The following FNBP4 variants were observed in gnomAD, a reference collection of about 807,000 sequenced individuals.
FNBP4 encodes the protein formin-binding protein 4.
A neutral mutation model predicts 119.3 loss-of-function variants in FNBP4; 34 were observed. The observed-to-expected ratio is 0.28, with a 90% CI of 0.22 to 0.38. The LOEUF (loss-of-function observed/expected upper bound fraction) is 0.38, where lower values mean the gene tolerates loss of function less well. Ranked by LOEUF, FNBP4 falls within the 10% of genes least tolerant of loss-of-function variation. FNBP4 has a pLI of 1.00. For missense variants in FNBP4, 1,112 were observed against 1,228.9 expected (o/e 0.90, Z 1.42); for synonymous variants, 462 against 430.6 (o/e 1.07, Z -0.90).
chr11:47,753,540 GGCGGGGATTGCAGTGA>G (rs2097608817), intron 3 of FNBP4, among the ~76,000 whole-genome samples: 1 of 152,072 alleles, frequency 6.6e-6, no homozygotes, highest in Non-Finnish European at 1.5e-5. Context: ...GAATCTGGGA[GGCGGGGATTGCAGTGA>G]GCCGAGATCA....
Position 47,720,848 on chromosome 11 carries a change from C to T in FNBP4, c.2806-762G>A, listed in dbSNP as rs149122194. Among the ~76,000 whole-genome samples, 182 of 150,992 alleles carry T rather than the reference C, an allele frequency of 1.2e-3. 1 individual carries two copies. Among genetic ancestry groups the T allele is most frequent in the African/African-American group, 3.4e-3 (142 of 41,168 alleles). On this transcript the variant is annotated intron_variant, in intron 15 of 16. Coordinates refer to ENST00000263773, the MANE Select transcript of FNBP4 (RefSeq NM_015308.5). ...CCATATTAGCCGGGGGCGGTGGCGGCGGCGGTGGGCGACTGTAGTCCCAGC... is the reference window on the plus strand; with the variant it reads ...CCATATTAGCCGGGGGCGGTGGCGGTGGCGGTGGGCGACTGTAGTCCCAGC...
Position 47,717,330 on chromosome 11 carries a change from C to T in FNBP4, c.*92G>A. 3 of 815,106 alleles carry T rather than the reference C, an allele frequency of 3.7e-6. No homozygotes were observed. Among genetic ancestry groups the T allele is most frequent in the Non-Finnish European group, 5.9e-6 (3 of 509,282 alleles). The allele number at this position is 815,106 out of a possible 1,614,324, so 50.5% of individuals were successfully genotyped here. On this transcript the variant is annotated 3_prime_UTR_variant, in exon 17 of 17. Transcript: ENST00000263773. Reference sequence around the variant, plus strand: ...GAAATTTATAAGATCTCCCCCATAACATTTATAGTTTATTTGACAATAAAA... The same window carrying T: ...GAAATTTATAAGATCTCCCCCATAATATTTATAGTTTATTTGACAATAAAA...
intron 8 of FNBP4, among the ~76,000 whole-genome samples, chr11:47,739,130 C>A (rs1380881870): frequency 6.6e-6 from 1 of 151,752 alleles, no homozygotes; most frequent in African/African-American, 2.4e-5. Flanking sequence ...CAAAGTCTCA[C>A]TATGTTGCCC....
At chr11:47,759,502 T>C (rs191308166) in intron 2 of FNBP4, among the ~76,000 whole-genome samples, 14 of 151,928 alleles carry the variant, frequency 9.2e-5, no homozygotes, top group Admixed American at 3.3e-4. Flanking sequence ...GCGTGAACCA[T>C]GGCGCCCGGC....
At chr11:47,718,266 T>G (rs2097551776) in intron 16 of FNBP4, among the ~76,000 whole-genome samples, 1 of 151,876 alleles carries the variant, frequency 6.6e-6, no homozygotes. Context: ...CAGACTGGAG[T>G]GCAGTGGCAC....
In FNBP4 at chr11:47,746,287, T is replaced by C. The variant is rs2135197309; in HGVS notation, c.1014A>G (p.Glu338=). 1.2e-6 allele frequency: 2 copies of C among 1,613,458 alleles called. No individual in the cohort carries two copies. The highest frequency in any genetic ancestry group is 2.2e-5 in the East Asian group (1 of 44,878). The change falls in exon 7 of 17, where the codon GAA becomes GAG. Residue 338 remains glutamate, a synonymous_variant. Coordinates refer to ENST00000263773, the MANE Select transcript of FNBP4 (RefSeq NM_015308.5). ...AAATTACTTTTCTTCTCCATCTCTC[T>C]TCTTCTTCTTTTATTCCCTCAGGCA... ...PLLPEGIKEE[E]ERWRRKVICK... is the part of the protein sequence containing the mutation.
rs1027476401 is a variant in FNBP4 at position 47,767,063 on chromosome 11, C to A, written c.220+6G>T. On this transcript the variant is annotated splice_donor_region_variant and intron_variant, in intron 1 of 16. Transcript: ENST00000263773. ...CTCGAGTTCAGGTCCCCCCGCGCAC[C>A]CTTGCCTTCTGAAGGCGAGTCGTCC... The A allele has an allele frequency of 7.2e-6, 11 of 1,525,862 alleles. No individual in the cohort carries two copies. The highest frequency in any genetic ancestry group is 9.6e-6 in the Non-Finnish European group (11 of 1,143,204). The allele number at this position is 1,525,862 out of a possible 1,614,324, so 94.5% of individuals were successfully genotyped here.
intron 12 of FNBP4, among the ~76,000 whole-genome samples, chr11:47,727,786 G>A (rs2097562816): frequency 6.6e-6 from 1 of 152,168 alleles, no homozygotes; most frequent in South Asian, 2.1e-4. Flanking sequence ...GTATTACAAT[G>A]ATGCTTCTCC....
At position 47,731,476 on chromosome 11, in the gene FNBP4, T is replaced by C. The variant is rs777775168; in HGVS notation, c.1906A>G (p.Ser636Gly). The C allele has an allele frequency of 1.2e-6, 2 of 1,613,946 alleles. No homozygotes were observed. Among genetic ancestry groups the C allele is most frequent in the African/African-American group, 2.7e-5 (2 of 74,902 alleles). The stretch of plus-strand genomic sequence containing the variant: ...TCATCTCTATTTTCTTGTGCTTGGC[T>C]TTCTTCTTCTTCCTCTTCACCATCT... Reference protein sequence around the residue: ...FPDGEEEEEESQAQENRDETL... With the variant: ...FPDGEEEEEEGQAQENRDETL... Residue 636 changes from serine to glycine, a missense_variant, in exon 12 of 17, where the codon AGC (serine) becomes GGC (glycine). By Grantham distance (56) the Ser-to-Gly change is moderately conservative. Transcript: ENST00000263773.
chr11:47,735,066 G>A (rs2097572321), intron 9 of FNBP4, among the ~76,000 whole-genome samples: 1 of 147,054 alleles, frequency 6.8e-6, no homozygotes, highest in Non-Finnish European at 1.5e-5. Context: ...GTATAGATCT[G>A]ATGTATCATC....
intron 8 of FNBP4, among the ~76,000 whole-genome samples, chr11:47,740,914 A>C (rs755404944): frequency 6.7e-6 from 1 of 149,772 alleles, no homozygotes; most frequent in Non-Finnish European, 1.5e-5. Flanking sequence ...TGTGTGATGG[A>C]GTCTCATTCT....
rs1381779739 is a variant in FNBP4 at position 47,752,978 on chromosome 11, T to C, written c.575A>G (p.Asn192Ser). ...AGATGTTTGGGTGGAGTCTGTTCCA[T>C]TTGAAGTAGAAGAAGAAAGGGTAGA... Reference protein sequence around the residue: ...ATSTLSSSTSNGTDSTQTSGW... With the variant: ...ATSTLSSSTSSGTDSTQTSGW... The change falls in exon 4 of 17, where the codon AAT (asparagine) becomes AGT (serine). Residue 192 changes from asparagine to serine, a missense_variant. Physicochemically the swap from Asn to Ser is conservative, Grantham distance 46. This residue lies in a region of FNBP4 where 826 missense variants were observed against 988.8 expected (regional missense o/e 0.84). Coordinates refer to ENST00000263773, the MANE Select transcript of FNBP4 (RefSeq NM_015308.5). 1.2e-6 allele frequency: 2 copies of C among 1,614,134 alleles called. No homozygotes were observed. The highest frequency in any genetic ancestry group is 1.1e-5 in the South Asian group (1 of 91,072).
At chr11:47,750,465 G>A (rs1287233732) in intron 6 of FNBP4, among the ~76,000 whole-genome samples, 3 of 148,740 alleles carry the variant, frequency 2.0e-5, no homozygotes, top group East Asian at 2.0e-4. Context: ...CAAGGCAGGC[G>A]GATCATGAGG....
intron 2 of FNBP4, among the ~76,000 whole-genome samples, chr11:47,755,267 T>C (rs1359556651): frequency 6.6e-6 from 1 of 151,696 alleles, no homozygotes; most frequent in Non-Finnish European, 1.5e-5. Context: ...CTGACCAACA[T>C]GGAGAAACCC....
chr11:47,767,155 A>G lies in FNBP4; in HGVS notation c.134T>C (p.Val45Ala), dbSNP rs1030580487. 9.7e-6 allele frequency: 15 copies of G among 1,546,292 alleles called. No homozygotes were observed. The Admixed American group carries it at 2.9e-4, about 30-fold the overall frequency. Residue 45 changes from valine (V) to alanine (A), a missense_variant, in exon 1 of 17, where the codon GTC becomes GCC. Around this residue, in one of 2 missense-constraint regions of FNBP4, gnomAD observed 286 missense variants for 240.1 expected, o/e 1.19. Coordinates refer to ENST00000263773, the MANE Select transcript of FNBP4 (RefSeq NM_015308.5). ...PDTEPDSTAA[V>A]PSQPAPSAAT... ...CGCCGACGGGGCGGGCTGGCTGGGG[A>G]CCGCCGCGGTTGAGTCCGGCTCAGT...
At chr11:47,755,641 A>C (rs534925215) in intron 2 of FNBP4, among the ~76,000 whole-genome samples, 35 of 151,540 alleles carry the variant, frequency 2.3e-4, no homozygotes, top group East Asian at 1.4e-3. Flanking sequence ...AAAACAAAAA[A>C]AAAAAAAAGG....
intron 8 of FNBP4, among the ~76,000 whole-genome samples, chr11:47,738,682 AT>A (rs1160529173): frequency 1.3e-5 from 2 of 151,942 alleles, no homozygotes; most frequent in East Asian, 3.9e-4. Context: ...ATAGCTTTTA[AT>A]ATTTTAAACT....
chr11:47,751,876 A>T (rs1331750982), intron 4 of FNBP4, among the ~76,000 whole-genome samples: 1 of 151,870 alleles, frequency 6.6e-6, no homozygotes, highest in Non-Finnish European at 1.5e-5. Context: ...TGAACTCGGG[A>T]GGCAAAGGCT....
chr11:47,752,801 G>A (rs893554646), intron 4 of FNBP4, 115 bp downstream of exon 4: 57 of 995,218 alleles, frequency 5.7e-5, no homozygotes, highest in African/African-American at 1.5e-4. Flanking sequence ...GCGACAGAGC[G>A]AGATTCCATC....
Sources: allele counts gnomAD v4.1 joint callset (sites outside exome capture counted in the v4.1 genomes callset), GRCh38; gene constraint gnomAD v4.1.1; regional missense constraint gnomAD v4.1.1; transcripts MANE v1.5; gene names NCBI Gene and HGNC (gene_info 2026-07-23, HGNC 2026-07-21).